Variants in RAB40B observed in about 807,000 individuals in gnomAD.
RAB40B encodes ras-related protein Rab-40B.
A neutral mutation model predicts 24.0 loss-of-function variants in RAB40B; 21 were observed. That is an observed-to-expected ratio of 0.88 (90% confidence interval 0.62 to 1.26). The LOEUF is 1.26. Ranked by LOEUF, RAB40B falls within the 50% of genes most tolerant of loss-of-function variation. The pLI is 0.00. For missense variants in RAB40B, 348 were observed against 390.5 expected, an observed-to-expected ratio of 0.89 and a Z score of 0.92; for synonymous variants, 167 against 169.8, an observed-to-expected ratio of 0.98 and a Z score of 0.13.
intron 1 of RAB40B, among the ~76,000 whole-genome samples, chr17:82,672,361 A>AACTCTAACACACACACTCACACACT (rs2046350516): frequency 6.7e-6 from 1 of 149,342 alleles, no homozygotes; most frequent in Non-Finnish European, 1.5e-5. Context: ...CGCTCCCTGT[A>AACTCTAACACACACACTCACACACT]CCCACTGACA....
chr17:82,676,314 C>G (rs1382728251), intron 1 of RAB40B, among the ~76,000 whole-genome samples: 2 of 149,488 alleles, frequency 1.3e-5, no homozygotes, highest in Non-Finnish European at 3.0e-5. Flanking sequence ...TCTCCCTCCA[C>G]ACAGTGAGGG....
intron 1 of RAB40B, among the ~76,000 whole-genome samples, chr17:82,676,522 C>A (rs1023991546): frequency 6.6e-6 from 1 of 151,902 alleles, no homozygotes; most frequent in Admixed American, 6.6e-5. Flanking sequence ...CGGCTCTTCC[C>A]AGCCACCCCT....
chr17:82,672,923 A>G (rs2143505758), intron 1 of RAB40B, among the ~76,000 whole-genome samples: 1 of 152,254 alleles, frequency 6.6e-6, no homozygotes, highest in African/African-American at 2.4e-5. Flanking sequence ...GCCTCATTGT[A>G]CCAGGCGTGA....
At chr17:82,695,302 CTG>C (rs2046597938) in intron 1 of RAB40B, among the ~76,000 whole-genome samples, 2 of 151,254 alleles carry the variant, frequency 1.3e-5, no homozygotes, top group East Asian at 3.8e-4. Flanking sequence ...AGCGATTCTC[CTG>C]CCTCAGCCTC....
At position 82,687,783 on chromosome 17, in the gene RAB40B, C is replaced by T. The variant is rs1326795175; in HGVS notation, c.142+10672G>A. Reference sequence around the variant, plus strand: ...CAGGGCAGGTGCCTTCAAGACTTTACGCCCCCAGCCAGGCGCGGTGGCTCA... The same window carrying T: ...CAGGGCAGGTGCCTTCAAGACTTTATGCCCCCAGCCAGGCGCGGTGGCTCA... On this transcript the variant is annotated intron_variant, in intron 1 of 5. Transcript: ENST00000571995. Among the ~76,000 whole-genome samples the T allele has an allele frequency of 2.7e-4, 41 of 152,310 alleles. 1 individual carries two copies. Among genetic ancestry groups the T allele is most frequent in the Admixed American group, 2.4e-3 (37 of 15,296 alleles).
At chr17:82,678,879 G>GTTTTTTTTTTTTTTTTTTTTTTT (rs35848277) in intron 1 of RAB40B, among the ~76,000 whole-genome samples, 2 of 99,152 alleles carry the variant, frequency 2.0e-5, no homozygotes, top group Non-Finnish European at 3.7e-5. Context: ...CCCTTTCTGC[G>GTTTTTTTTTTTTTTTTTTTTTTT]TTTTTTTTTT....
chr17:82,657,688 G>A lies in RAB40B; in HGVS notation c.*175C>T, dbSNP rs1395580217. The A allele has an allele frequency of 6.2e-6, 5 of 800,386 alleles. No individual in the cohort carries two copies. The highest frequency in any genetic ancestry group is 3.4e-5 in the African/African-American group (2 of 59,428). The allele number at this position is 800,386 out of a possible 1,614,324, so 49.6% of individuals were successfully genotyped here. A position where few individuals can be genotyped will look rare whatever the true frequency, so the allele number is the denominator to read the frequency against. On this transcript the variant is annotated 3_prime_UTR_variant, in exon 6 of 6. Coordinates refer to ENST00000571995, the MANE Select transcript of RAB40B (RefSeq NM_006822.3). ...AAACAAGAGCTTCATGCACATCCAC[G>A]TAGAAATTCGAAGTCCGACGGGGTA...
At chr17:82,681,724 C>T (rs773449901) in intron 1 of RAB40B, among the ~76,000 whole-genome samples, 4 of 152,108 alleles carry the variant, frequency 2.6e-5, no homozygotes, top group Non-Finnish European at 4.4e-5. Context: ...AAGGTTGGTT[C>T]GACCTTTGAA....
intron 3 of RAB40B, among the ~76,000 whole-genome samples, chr17:82,660,708 G>A (rs1476494124): frequency 1.4e-4 from 20 of 145,658 alleles, no homozygotes; most frequent in Non-Finnish European, 2.3e-4. Flanking sequence ...ACACACACAG[G>A]CACTCATGCA....
chr17:82,665,485 T>C (rs1022099567), intron 1 of RAB40B, among the ~76,000 whole-genome samples: 1 of 152,152 alleles, frequency 6.6e-6, no homozygotes, highest in African/African-American at 2.4e-5. Flanking sequence ...AACGCCTAAG[T>C]TCACACAATC....
rs563187009 is a variant in RAB40B at position 82,662,086 on chromosome 17, G to A, written c.204-1039C>T. On this transcript the variant is annotated intron_variant, in intron 2 of 5. Transcript: ENST00000571995. ...CCCCGCACACGAGACACAACCTCACGGATGAGCGGTGGGACGCGGCATGGT... is the reference window on the plus strand; with the variant it reads ...CCCCGCACACGAGACACAACCTCACAGATGAGCGGTGGGACGCGGCATGGT... 54 of 985,404 alleles carry A rather than the reference G, an allele frequency of 5.5e-5. No homozygotes were observed. In the South Asian group the frequency reaches 1.8e-3, roughly 33 times the overall value. The allele number at this position is 985,404 out of a possible 1,614,324, so 61.0% of individuals were successfully genotyped here. A position where few individuals can be genotyped will look rare whatever the true frequency, so the allele number is the denominator to read the frequency against.
chr17:82,687,070 G>T (rs146241172), intron 1 of RAB40B, among the ~76,000 whole-genome samples: 1 of 151,912 alleles, frequency 6.6e-6, no homozygotes, highest in Non-Finnish European at 1.5e-5. Flanking sequence ...ACTCTTGTCT[G>T]TGGGCCCCCC....
At position 82,655,366 on chromosome 17, in the gene RAB40B, A is replaced by G. The variant is rs567157832; in HGVS notation, c.*2497T>C. 1.4e-4 allele frequency: 21 copies of G among 152,320 alleles called. No individual in the cohort carries two copies. The East Asian group carries it at 3.9e-3, about 28-fold the overall frequency. The allele number at this position is 152,320 out of a possible 1,614,324, so 9.4% of individuals were successfully genotyped here. A position where few individuals can be genotyped will look rare whatever the true frequency, so the allele number is the denominator to read the frequency against. On this transcript the variant is annotated 3_prime_UTR_variant, in exon 6 of 6. Coordinates refer to ENST00000571995, the MANE Select transcript of RAB40B (RefSeq NM_006822.3). ...CCGTGCATTCGGTGAACACCTCCAAAGAGCTCTGAGTCACAAAGCCTTGGG... is the reference window on the plus strand; with the variant it reads ...CCGTGCATTCGGTGAACACCTCCAAGGAGCTCTGAGTCACAAAGCCTTGGG...
At chr17:82,665,893 A>C (rs4789819) in intron 1 of RAB40B, among the ~76,000 whole-genome samples, 106,611 of 136,402 alleles carry the variant, frequency 0.78, 38,535 homozygotes, top group African/African-American at 0.81. Context: ...ACAACAACAA[A>C]AAAAAAAAAA....
chr17:82,682,414 A>C (rs2046456577), intron 1 of RAB40B, among the ~76,000 whole-genome samples: 1 of 152,222 alleles, frequency 6.6e-6, no homozygotes, highest in Non-Finnish European at 1.5e-5. Context: ...GAATCAAAGA[A>C]GACCTAAATA....
chr17:82,693,851 G>T (rs947059587), intron 1 of RAB40B, among the ~76,000 whole-genome samples: 2 of 151,870 alleles, frequency 1.3e-5, no homozygotes, highest in Admixed American at 1.3e-4. Context: ...GGGAGGCCGA[G>T]GCGGGCAGAT....
Position 82,667,509 on chromosome 17 carries a change from C to A in RAB40B, c.143-2953G>T, listed in dbSNP as rs1598300550. 6.6e-6 allele frequency among the ~76,000 whole-genome samples: 1 copy of A among 152,196 alleles called. No homozygotes were observed. The highest frequency in any genetic ancestry group is 2.4e-5 in the African/African-American group (1 of 41,456). The stretch of plus-strand genomic sequence containing the variant: ...GCTGCTGTGTCCAGCCTGTCCCCTG[C>A]CCTCTGCTTCCTCCTCCGGGCCCTG... On this transcript the variant is annotated intron_variant, in intron 1 of 5. Transcript: ENST00000571995. This position sits in a 1 kb window ranked among gnomAD's most constrained non-coding sequence, Gnocchi z 4.3.
At chr17:82,672,068 A>T (rs1228000021) in intron 1 of RAB40B, among the ~76,000 whole-genome samples, 1 of 2,098 alleles carries the variant, frequency 4.8e-4, no homozygotes, top group East Asian at 0.016. Flanking sequence ...TCTAACACAC[A>T]CACATGCTCC....
chr17:82,698,671 G>A lies in RAB40B; in HGVS notation c.-75C>T, dbSNP rs761850500. 4.1e-4 allele frequency: 456 copies of A among 1,107,416 alleles called. No homozygotes were observed. Among genetic ancestry groups the A allele is most frequent in the Non-Finnish European group, 4.7e-4 (421 of 893,740 alleles). 68.6% of individuals were successfully genotyped at this position (1,107,416 alleles called of 1,614,324 possible). ...AGAGGCGGCGGCCCGGCCCCGAGAGGCGCCGCGCGGGCCCCGAGTCCTTGC... is the reference window on the plus strand; with the variant it reads ...AGAGGCGGCGGCCCGGCCCCGAGAGACGCCGCGCGGGCCCCGAGTCCTTGC... On this transcript the variant is annotated 5_prime_UTR_variant, in exon 1 of 6. Transcript: ENST00000571995.
Sources: allele counts gnomAD v4.1 joint callset (sites outside exome capture counted in the v4.1 genomes callset), GRCh38; gene constraint gnomAD v4.1.1; non-coding constraint Gnocchi (gnomAD v3.1); transcripts MANE v1.5; gene names NCBI Gene and HGNC (gene_info 2026-07-23, HGNC 2026-07-21).